The following UST variants were observed in gnomAD, a reference collection of about 807,000 sequenced individuals.
The protein encoded by UST is uronyl 2-sulfotransferase, also known as chondroitin sulfate 2-O-sulfotransferase.
UST carries 21 observed loss-of-function variants against 45.6 expected under a neutral mutation model. The ratio of observed to expected loss-of-function variants is 0.46; its 90% CI spans 0.33 to 0.66. The LOEUF (loss-of-function observed/expected upper bound fraction) is 0.66. UST is among the 30% of genes least tolerant of loss of function. The pLI is 0.02. For synonymous variants in UST, 215 were observed against 200.6 expected, an observed-to-expected ratio of 1.07 and a Z score of -0.61; for missense variants, 463 against 512.4, an observed-to-expected ratio of 0.90 and a Z score of 0.93.
chr6:148,908,199 A>G (rs1779405004), intron 2 of UST, among the ~76,000 whole-genome samples: 1 of 152,160 alleles, frequency 6.6e-6, no homozygotes, highest in Non-Finnish European at 1.5e-5. Context: ...GCTCGAGTCA[A>G]ATCAATTTTA....
chr6:148,877,395 G>A lies in UST; in HGVS notation c.248-9591G>A, dbSNP rs983884861. On this transcript the variant is annotated intron_variant, in intron 1 of 7. Coordinates refer to ENST00000367463, the MANE Select transcript of UST (RefSeq NM_005715.3). ...AGTGGGGGGGTCGTGTATGAGTGCG[G>A]GGGTCGTGTATGAGTGCGGGGGTCG... Among the ~76,000 whole-genome samples, 87 of 63,276 alleles carry A rather than the reference G, an allele frequency of 1.4e-3. 1 individual carries two copies. Among genetic ancestry groups the A allele is most frequent in the Non-Finnish European group, 2.2e-3 (72 of 33,162 alleles). 41.5% of individuals were successfully genotyped at this position (63,276 alleles called of 152,430 possible). A position where few individuals can be genotyped will look rare whatever the true frequency, so the allele number is the denominator to read the frequency against.
rs562904562 is a variant in UST, at chr6:148,951,460, G to A, written c.448-2412G>A. Among the ~76,000 whole-genome samples the A allele has an allele frequency of 2.0e-5, 3 of 152,244 alleles. No homozygotes were observed. The South Asian group carries it at 6.2e-4, about 32-fold the overall frequency. The stretch of plus-strand genomic sequence containing the variant: ...CTAATAAGTACTCAATGAATGATGA[G>A]TGAATTTATGCCATGGAATCAGACT... On this transcript the variant is annotated intron_variant, in intron 3 of 7. Coordinates refer to ENST00000367463, the MANE Select transcript of UST (RefSeq NM_005715.3).
At chr6:149,059,730 C>T (rs1776624629) in intron 7 of UST, among the ~76,000 whole-genome samples, 1 of 152,114 alleles carries the variant, frequency 6.6e-6, no homozygotes, top group Non-Finnish European at 1.5e-5. Context: ...CTACCACCAC[C>T]GCCCACCCCC....
At position 148,747,421 on chromosome 6, in the gene UST, G is replaced by A; in HGVS notation, c.-10G>A. 6 of 1,396,652 alleles carry A rather than the reference G, an allele frequency of 4.3e-6. No individual in the cohort carries two copies. Among genetic ancestry groups the A allele is most frequent in the Non-Finnish European group, 2.8e-6 (3 of 1,071,632 alleles). The allele number at this position is 1,396,652 out of a possible 1,614,324, so 86.5% of individuals were successfully genotyped here. On this transcript the variant is annotated 5_prime_UTR_variant, in exon 1 of 8. Coordinates refer to ENST00000367463, the MANE Select transcript of UST (RefSeq NM_005715.3). ...GCACGGGCAGGCTGTGGGAGGCAGCGGAGCAGGCGATGAAGAAGAAGCAGC... is the reference window on the plus strand; with the variant it reads ...GCACGGGCAGGCTGTGGGAGGCAGCAGAGCAGGCGATGAAGAAGAAGCAGC...
At chr6:148,998,739 A>G (rs2115000624) in intron 5 of UST, among the ~76,000 whole-genome samples, 1 of 152,362 alleles carries the variant, frequency 6.6e-6, no homozygotes, top group East Asian at 1.9e-4. Context: ...AGTCAATATT[A>G]GAAGGATAGA....
chr6:148,930,017 G>T (rs1037490000), intron 2 of UST, among the ~76,000 whole-genome samples: 2 of 152,136 alleles, frequency 1.3e-5, no homozygotes, highest in Non-Finnish European at 2.9e-5. Context: ...AATTGGGTAG[G>T]TGTACTTTGC....
At chr6:148,783,037 T>A (rs1015317676) in intron 1 of UST, among the ~76,000 whole-genome samples, 15 of 152,186 alleles carry the variant, frequency 9.9e-5, no homozygotes, top group African/African-American at 2.4e-4. Context: ...TTTAAGAAAG[T>A]GCCATAGCCA....
intron 5 of UST, among the ~76,000 whole-genome samples, chr6:148,994,634 G>A (rs374446451): frequency 4.6e-5 from 7 of 152,230 alleles, no homozygotes; most frequent in Admixed American, 3.9e-4. Context: ...TCCACCAGGC[G>A]GATATTCACC....
chr6:148,877,544 A>G (rs148787818), intron 1 of UST, among the ~76,000 whole-genome samples: 2 of 73,068 alleles, frequency 2.7e-5, no homozygotes, highest in Non-Finnish European at 5.1e-5. Flanking sequence ...ATCGTGTTTG[A>G]GTGCAGGGGA....
At chr6:149,008,314 T>C (rs995944826) in intron 5 of UST, among the ~76,000 whole-genome samples, 4 of 152,224 alleles carry the variant, frequency 2.6e-5, no homozygotes, top group African/African-American at 9.6e-5. Context: ...AGGTCTTAGA[T>C]GTTTGCCATT....
Position 149,074,154 on chromosome 6 carries a change from C to G in UST, c.*38C>G. The G allele has an allele frequency of 6.3e-7, 1 of 1,593,774 alleles. No homozygotes were observed. The highest frequency in any genetic ancestry group is 8.6e-7 in the Non-Finnish European group (1 of 1,167,512). ...GCCTCTATGGCTTTATCTCCCTTTT[C>G]CAGAAAGTTCTTTGTTTGGGGAAGT... On this transcript the variant is annotated 3_prime_UTR_variant, in exon 8 of 8. Coordinates refer to ENST00000367463, the MANE Select transcript of UST (RefSeq NM_005715.3).
chr6:148,822,646 T>A (rs946533386), intron 1 of UST, among the ~76,000 whole-genome samples: 5 of 152,316 alleles, frequency 3.3e-5, no homozygotes, highest in Admixed American at 3.3e-4. Flanking sequence ...GTATGAAATA[T>A]CTCTGTCGGG....
At chr6:148,861,234 A>G (rs1175353222) in intron 1 of UST, among the ~76,000 whole-genome samples, 1 of 152,128 alleles carries the variant, frequency 6.6e-6, no homozygotes, top group African/African-American at 2.4e-5. Flanking sequence ...GGGAGGGTGT[A>G]TGTGTCCAGG....
intron 1 of UST, 60 bp downstream of exon 1, chr6:148,747,737 G>GAGGGTCGCGGCGGGGAC: frequency 6.7e-7 from 1 of 1,488,782 alleles, no homozygotes; most frequent in Non-Finnish European, 8.9e-7. Context: ...GCGGCGGGGA[G>GAGGGTCGCGGCGGGGAC]AGGGTCGCGG....
chr6:148,762,534 T>C (rs377591338), intron 1 of UST, among the ~76,000 whole-genome samples: 26 of 145,110 alleles, frequency 1.8e-4, no homozygotes, highest in Non-Finnish European at 1.7e-4. Flanking sequence ...CAGGCTTCTA[T>C]CTTTTTTTTT....
intron 7 of UST, among the ~76,000 whole-genome samples, chr6:149,068,567 C>T (rs950117740): frequency 6.6e-6 from 1 of 152,184 alleles, no homozygotes; most frequent in Non-Finnish European, 1.5e-5. Context: ...CAAATATGTC[C>T]TGGTTCTTTT....
At chr6:148,911,535 G>T (rs369842792) in intron 2 of UST, among the ~76,000 whole-genome samples, 1 of 152,116 alleles carries the variant, frequency 6.6e-6, no homozygotes, top group Non-Finnish European at 1.5e-5. Flanking sequence ...CTTTGGTTCT[G>T]TTGATACACT....
intron 1 of UST, among the ~76,000 whole-genome samples, chr6:148,855,136 A>T (rs1408340035): frequency 6.6e-6 from 1 of 151,984 alleles, no homozygotes; most frequent in Non-Finnish European, 1.5e-5. Context: ...ACCCGCCCCC[A>T]TGATTCATTT....
chr6:149,005,730 T>A, intron 5 of UST: 1 of 641,798 alleles, frequency 1.6e-6, no homozygotes, highest in Non-Finnish European at 1.9e-6. Flanking sequence ...TTCTTCTGTG[T>A]GCATTAATTT....
Sources: gnomAD v4.1 joint callset for allele counts (sites outside exome capture counted in the v4.1 genomes callset) on GRCh38, gnomAD v4.1.1 for gene constraint, MANE v1.5 for transcripts, NCBI Gene and HGNC (gene_info 2026-07-23, HGNC 2026-07-21) for gene names.